OLFM3: variants seen among roughly 807,000 people sequenced by gnomAD.
The protein encoded by OLFM3 is olfactomedin 3.
In OLFM3, 20 loss-of-function variants were observed where a neutral mutation model predicts 48.6. That is an observed-to-expected ratio of 0.41 (90% CI 0.29 to 0.60). The LOEUF (loss-of-function observed/expected upper bound fraction) is 0.60. Among genes scored for constraint, OLFM3 ranks in the 20% least tolerant of loss-of-function variants. The pLI is 0.28. For synonymous variants in OLFM3, 222 were observed against 198.1 expected (o/e 1.12, Z -1.01); for missense variants, 437 against 544.3 (o/e 0.80, Z 1.96).
intron 1 of OLFM3, among the ~76,000 whole-genome samples, chr1:101,876,855 A>C (rs976315092): frequency 2.0e-5 from 3 of 151,896 alleles, no homozygotes; most frequent in Admixed American, 2.0e-4. Context: ...TTGTCTTGTA[A>C]ATGACAGTGT....
chr1:101,919,957 A>C (rs1483731483), intron 1 of OLFM3, among the ~76,000 whole-genome samples: 2 of 152,204 alleles, frequency 1.3e-5, no homozygotes, highest in Non-Finnish European at 2.9e-5. Flanking sequence ...CTATTCTGGC[A>C]GATGTTCAGG....
At chr1:101,910,005 T>A (rs1034473142) in intron 1 of OLFM3, 2 of 985,324 alleles carry the variant, frequency 2.0e-6, no homozygotes, top group South Asian at 4.7e-5. Flanking sequence ...TCTTGCTTTA[T>A]AATATTAAGG....
At position 101,869,629 on chromosome 1, in the gene OLFM3, G is replaced by A. The variant is rs1454821886; in HGVS notation, c.70-32604C>T. Among the ~76,000 whole-genome samples, 5 of 152,092 alleles carry A rather than the reference G, an allele frequency of 3.3e-5. No individual in the cohort carries two copies. In the East Asian group the frequency reaches 7.7e-4, roughly 23 times the overall value. Reference sequence around the variant, plus strand: ...ACATGAAATTTGGGAGGGAGCAGGGGCAGAACGATATGTTATGGCTGTGTC... The same window carrying A: ...ACATGAAATTTGGGAGGGAGCAGGGACAGAACGATATGTTATGGCTGTGTC... On this transcript the variant is annotated intron_variant, in intron 1 of 5. Coordinates refer to ENST00000370103, the MANE Select transcript of OLFM3 (RefSeq NM_058170.4).
At chr1:101,844,971 A>G (rs897786986) in intron 1 of OLFM3, among the ~76,000 whole-genome samples, 1 of 152,116 alleles carries the variant, frequency 6.6e-6, no homozygotes, top group Admixed American at 6.6e-5. Flanking sequence ...AAGTATGAGC[A>G]CTCATTTGGA....
chr1:101,950,787 C>T (rs552089217), intron 1 of OLFM3, among the ~76,000 whole-genome samples: 3 of 152,066 alleles, frequency 2.0e-5, no homozygotes, highest in Non-Finnish European at 4.4e-5. Context: ...CTACTAGTAT[C>T]CTCTATAAGA....
intron 1 of OLFM3, among the ~76,000 whole-genome samples, chr1:101,911,288 A>G (rs143736170): frequency 1.3e-3 from 192 of 152,278 alleles, no homozygotes; most frequent in Middle Eastern, 3.4e-3. Context: ...TGAGATTTTT[A>G]ACTTACACAG....
intron 1 of OLFM3, among the ~76,000 whole-genome samples, chr1:101,936,613 G>A (rs1161572337): frequency 6.6e-6 from 1 of 152,078 alleles, no homozygotes; most frequent in Non-Finnish European, 1.5e-5. Context: ...TGATTTTAAA[G>A]TTTATATGAA....
At chr1:101,902,293 C>T (rs17125682) in intron 1 of OLFM3, among the ~76,000 whole-genome samples, 13,512 of 152,012 alleles carry the variant, frequency 0.089, 794 homozygotes, top group East Asian at 0.22. Flanking sequence ...ACACTGAATC[C>T]TGATTATAAT....
intron 1 of OLFM3, among the ~76,000 whole-genome samples, chr1:101,861,215 C>T (rs1311048065): frequency 1.3e-5 from 2 of 151,972 alleles, no homozygotes; most frequent in African/African-American, 4.8e-5. Context: ...GCACCCACCA[C>T]AGCACCTGGA....
At chr1:101,836,572 TTTTTGGC>T (rs1655420517) in intron 2 of OLFM3, among the ~76,000 whole-genome samples, 1 of 151,044 alleles carries the variant, frequency 6.6e-6, no homozygotes, top group South Asian at 2.1e-4. Flanking sequence ...TGGAGCTGAA[TTTTTGGC>T]ATCAGAATAA....
At chr1:101,933,398 T>C (rs1659516638) in intron 1 of OLFM3, among the ~76,000 whole-genome samples, 1 of 150,908 alleles carries the variant, frequency 6.6e-6, no homozygotes, top group Non-Finnish European at 1.5e-5. Flanking sequence ...AATAACTCAG[T>C]TAGACAAAAA....
intron 4 of OLFM3, among the ~76,000 whole-genome samples, chr1:101,821,244 C>A (rs745368230): frequency 2.0e-5 from 3 of 151,942 alleles, no homozygotes; most frequent in Non-Finnish European, 4.4e-5. Context: ...AATGTAAATA[C>A]TAAATTGAGT....
At chr1:101,845,032 T>TA (rs1344742151) in intron 1 of OLFM3, among the ~76,000 whole-genome samples, 1 of 151,848 alleles carries the variant, frequency 6.6e-6, no homozygotes, top group African/African-American at 2.4e-5. Context: ...ATACCTAAAA[T>TA]AAAAAAAAGA....
intron 1 of OLFM3, among the ~76,000 whole-genome samples, chr1:101,868,941 GA>G (rs1311666657): frequency 2.0e-5 from 3 of 152,234 alleles, no homozygotes; most frequent in Non-Finnish European, 4.4e-5. Flanking sequence ...CAGAAGTCAA[GA>G]ACTGAGGTTT....
At chr1:101,921,319 G>A (rs370773436) in intron 1 of OLFM3, among the ~76,000 whole-genome samples, 3 of 152,148 alleles carry the variant, frequency 2.0e-5, no homozygotes, top group East Asian at 3.9e-4. Flanking sequence ...CAGAACAAGA[G>A]TAAAAGAGTC....
chr1:101,963,960 T>C (rs74618807), intron 1 of OLFM3, among the ~76,000 whole-genome samples: 16 of 152,338 alleles, frequency 1.1e-4, no homozygotes, highest in African/African-American at 3.6e-4. Flanking sequence ...TCCTTATTCA[T>C]GTTAATATCA....
chr1:101,803,775 G>T lies in OLFM3; in HGVS notation c.*463C>A, dbSNP rs1653610173. 6.6e-6 allele frequency: 1 copy of T among 152,442 alleles called. No individual in the cohort carries two copies. Among genetic ancestry groups the T allele is most frequent in the Non-Finnish European group, 1.5e-5 (1 of 68,124 alleles). 9.4% of individuals were successfully genotyped at this position (152,442 alleles called of 1,614,324 possible). On this transcript the variant is annotated 3_prime_UTR_variant, in exon 6 of 6. Coordinates refer to ENST00000370103, the MANE Select transcript of OLFM3 (RefSeq NM_058170.4). The stretch of plus-strand genomic sequence containing the variant: ...ATTAATATTATTTTTCAATATAAAT[G>T]AAATCCTTACATTTTTTAAAGAAAT...
intron 1 of OLFM3, among the ~76,000 whole-genome samples, chr1:101,894,859 C>T (rs769726830): frequency 2.0e-5 from 3 of 152,024 alleles, no homozygotes; most frequent in Non-Finnish European, 2.9e-5. Context: ...TTAAGCTTTC[C>T]AGTAGCATGT....
At chr1:101,936,408 G>T (rs926906133) in intron 1 of OLFM3, among the ~76,000 whole-genome samples, 4 of 111,462 alleles carry the variant, frequency 3.6e-5, no homozygotes, top group African/African-American at 1.4e-4. Flanking sequence ...AGCTAACCAG[G>T]GAAATGTAAG....
Sources: gnomAD v4.1 joint callset for allele counts (sites outside exome capture counted in the v4.1 genomes callset) on GRCh38, gnomAD v4.1.1 for gene constraint, MANE v1.5 for transcripts, NCBI Gene and HGNC (gene_info 2026-07-23, HGNC 2026-07-21) for gene names.